The following SLC10A7 variants were observed in gnomAD, a reference collection of about 807,000 sequenced individuals.
SLC10A7 encodes sodium/bile acid cotransporter 7.
SLC10A7 carries 29 observed loss-of-function variants against 43.2 expected under a neutral mutation model. That is an observed-to-expected ratio of 0.67 (90% CI 0.50 to 0.92). The LOEUF (loss-of-function observed/expected upper bound fraction) is 0.92. Ranked by LOEUF, SLC10A7 falls within the 40% of genes least tolerant of loss-of-function variation. The pLI is 0.00. For synonymous variants in SLC10A7, 152 were observed against 144.8 expected, an observed-to-expected ratio of 1.05 and a Z score of -0.35; for missense variants, 295 against 403.2, an observed-to-expected ratio of 0.73 and a Z score of 2.30.
At chr4:146,429,617 G>T (rs932008558) in intron 5 of SLC10A7, among the ~76,000 whole-genome samples, 1 of 150,206 alleles carries the variant, frequency 6.7e-6, no homozygotes, top group African/African-American at 2.5e-5. Flanking sequence ...AATAGGAAGT[G>T]CCAGAGATGG....
At chr4:146,471,319 A>T (rs986079352) in intron 4 of SLC10A7, among the ~76,000 whole-genome samples, 1 of 152,238 alleles carries the variant, frequency 6.6e-6, no homozygotes, top group Non-Finnish European at 1.5e-5. Context: ...AAGTAACTAT[A>T]GAAGTTATCT....
intron 10 of SLC10A7, among the ~76,000 whole-genome samples, chr4:146,274,006 A>C (rs767190119): frequency 6.6e-6 from 1 of 152,060 alleles, no homozygotes; most frequent in Non-Finnish European, 1.5e-5. Context: ...TAAAAAAATC[A>C]CCTAGGTCCC....
chr4:146,261,392 G>C (rs181099308), intron 10 of SLC10A7, among the ~76,000 whole-genome samples: 1 of 152,042 alleles, frequency 6.6e-6, no homozygotes, highest in African/African-American at 2.4e-5. Flanking sequence ...AAGCTTCTAG[G>C]TTCTGAAAAT....
chr4:146,435,019 T>A lies in SLC10A7; in HGVS notation c.435+7764A>T, dbSNP rs565616276. Among the ~76,000 whole-genome samples, 499 of 148,900 alleles carry A rather than the reference T, an allele frequency of 3.4e-3. 1 individual carries two copies. The highest frequency in any genetic ancestry group is 0.01 in the African/African-American group (418 of 40,430). On this transcript the variant is annotated intron_variant, in intron 5 of 11. Transcript: ENST00000335472. ...TTGAGGGCAAGAATCATTTTTTTTTTAATTATTTTTTCAGCTCTAGAAGCT... is the reference window on the plus strand; with the variant it reads ...TTGAGGGCAAGAATCATTTTTTTTTAAATTATTTTTTCAGCTCTAGAAGCT...
intron 5 of SLC10A7, among the ~76,000 whole-genome samples, chr4:146,337,345 A>G (rs1023669202): frequency 6.6e-6 from 1 of 152,056 alleles, no homozygotes; most frequent in African/African-American, 2.4e-5. Flanking sequence ...GCACACAGCT[A>G]CAATCTGAGG....
At chr4:146,430,744 T>C (rs1234495803) in intron 5 of SLC10A7, among the ~76,000 whole-genome samples, 5 of 152,106 alleles carry the variant, frequency 3.3e-5, no homozygotes, top group Admixed American at 1.3e-4. Flanking sequence ...ACATAGAATA[T>C]GAATCAATGT....
At chr4:146,267,326 A>C (rs561347988) in intron 10 of SLC10A7, among the ~76,000 whole-genome samples, 1 of 152,224 alleles carries the variant, frequency 6.6e-6, no homozygotes, top group South Asian at 2.1e-4. Context: ...AGGCAGGTTT[A>C]GTCTGCACAG....
chr4:146,267,581 A>G (rs1164170891), intron 10 of SLC10A7, among the ~76,000 whole-genome samples: 1 of 152,128 alleles, frequency 6.6e-6, no homozygotes, highest in Non-Finnish European at 1.5e-5. Context: ...TTTATGTTTT[A>G]CTTGCTTCCC....
chr4:146,339,984 C>G (rs1017991450), intron 5 of SLC10A7, among the ~76,000 whole-genome samples: 27 of 151,572 alleles, frequency 1.8e-4, no homozygotes, highest in African/African-American at 6.3e-4. Flanking sequence ...CCTTGTCCCC[C>G]ACCCCGACAG....
chr4:146,497,580 G>A (rs914242277), intron 4 of SLC10A7, among the ~76,000 whole-genome samples: 4 of 152,084 alleles, frequency 2.6e-5, no homozygotes, highest in African/African-American at 2.4e-5. Flanking sequence ...TTCGGCAATG[G>A]CTTTTCGCTG....
chr4:146,378,461 A>C (rs1322473553), intron 5 of SLC10A7, among the ~76,000 whole-genome samples: 1 of 152,218 alleles, frequency 6.6e-6, no homozygotes, highest in Non-Finnish European at 1.5e-5. Flanking sequence ...GACACAATCA[A>C]CCAAGATTAC....
At chr4:146,426,465 G>A (rs1349755690) in intron 5 of SLC10A7, among the ~76,000 whole-genome samples, 1 of 152,056 alleles carries the variant, frequency 6.6e-6, no homozygotes, top group African/African-American at 2.4e-5. Flanking sequence ...GATCACTTGA[G>A]CTTAGGAATT....
chr4:146,406,448 T>A (rs1295487323), intron 5 of SLC10A7, among the ~76,000 whole-genome samples: 1 of 152,198 alleles, frequency 6.6e-6, no homozygotes, highest in African/African-American at 2.4e-5. Context: ...TTGGACCATA[T>A]TAGACTGACA....
At chr4:146,490,809 T>C (rs1253164938) in intron 4 of SLC10A7, among the ~76,000 whole-genome samples, 1 of 152,216 alleles carries the variant, frequency 6.6e-6, no homozygotes, top group Non-Finnish European at 1.5e-5. Context: ...GAAAGAATCC[T>C]GGAATGAGAG....
chr4:146,481,058 A>T (rs374650988), intron 4 of SLC10A7, among the ~76,000 whole-genome samples: 2 of 152,072 alleles, frequency 1.3e-5, no homozygotes, highest in Non-Finnish European at 2.9e-5. Context: ...TGCCCACCAA[A>T]GGACTCCAAC....
At chr4:146,433,813 C>T (rs965978705) in intron 5 of SLC10A7, among the ~76,000 whole-genome samples, 1 of 152,086 alleles carries the variant, frequency 6.6e-6, no homozygotes, top group Non-Finnish European at 1.5e-5. Context: ...GATCATGCCA[C>T]TGAACTTCAT....
intron 5 of SLC10A7, among the ~76,000 whole-genome samples, chr4:146,392,123 A>G (rs183457742): frequency 6.6e-6 from 1 of 152,220 alleles, no homozygotes; most frequent in East Asian, 1.9e-4. Context: ...TTGTATATAC[A>G]TACAACTGCT....
intron 5 of SLC10A7, among the ~76,000 whole-genome samples, chr4:146,346,443 T>G (rs190871670): frequency 6.6e-6 from 1 of 152,254 alleles, no homozygotes; most frequent in East Asian, 1.9e-4. Context: ...TAGAACTAGA[T>G]AGTACATGTT....
At chr4:146,413,303 A>G (rs187002569) in intron 5 of SLC10A7, among the ~76,000 whole-genome samples, 1 of 152,216 alleles carries the variant, frequency 6.6e-6, no homozygotes, top group Admixed American at 6.5e-5. Flanking sequence ...TTGTTTTTTA[A>G]AAATAGGTTT....
Sources: allele counts gnomAD v4.1 joint callset (sites outside exome capture counted in the v4.1 genomes callset), GRCh38; gene constraint gnomAD v4.1.1; transcripts MANE v1.5; gene names NCBI Gene and HGNC (gene_info 2026-07-23, HGNC 2026-07-21).